MED17: variants seen among roughly 807,000 people sequenced by gnomAD.
MED17 encodes mediator of RNA polymerase II transcription subunit 17.
In MED17, 49 loss-of-function variants were observed where a neutral mutation model predicts 80.8. That is an observed-to-expected ratio of 0.61 (90% CI 0.48 to 0.77). The LOEUF (loss-of-function observed/expected upper bound fraction) is 0.77, where lower values mean the gene tolerates loss of function less well. Ranked by LOEUF, MED17 falls within the 30% of genes least tolerant of loss-of-function variation. The pLI is 0.00. For synonymous variants in MED17, 281 were observed against 280.4 expected, an observed-to-expected ratio of 1.00 and a Z score of -0.02; for missense variants, 718 against 787.0, an observed-to-expected ratio of 0.91 and a Z score of 1.05.
chr11:93,790,841 T>C (rs1943827719), intron 3 of MED17, 48 bp downstream of exon 3: 3 of 1,514,762 alleles, frequency 2.0e-6, no homozygotes, highest in Admixed American at 1.7e-5. Flanking sequence ...GTGTGGTGGC[T>C]CATGCGTGTA....
At chr11:93,800,813 T>C (rs1943955146) in intron 8 of MED17, 1 of 152,042 alleles carries the variant, frequency 6.6e-6, no homozygotes, top group East Asian at 1.9e-4. Flanking sequence ...ATTTTTTTTT[T>C]ATTTATAGAG....
intron 3 of MED17, chr11:93,793,273 G>A (rs1013251795): frequency 2.3e-5 from 4 of 176,914 alleles, no homozygotes; most frequent in East Asian, 1.6e-4. Flanking sequence ...GTGCCACCAC[G>A]CCCAGTTAAT....
In MED17 at chr11:93,792,032, T is replaced by C. The variant is rs114435167; in HGVS notation, c.637+1239T>C. 5.0e-3 allele frequency among the ~76,000 whole-genome samples: 755 copies of C among 152,026 alleles called. 8 individuals carry two copies. The highest frequency in any genetic ancestry group is 0.017 in the African/African-American group (705 of 41,474). ...TCGTTGAGCTATAATAAATAGTAGG[T>C]TTTACAAGGTAATAATGGCAATGTT... On this transcript the variant is annotated intron_variant, in intron 3 of 11. Transcript: ENST00000251871.
At chr11:93,796,646 C>A in intron 7 of MED17, 106 bp downstream of exon 7, 1 of 1,255,836 alleles carries the variant, frequency 8.0e-7, no homozygotes. Context: ...CACATAGCAA[C>A]AACATTCACT....
intron 5 of MED17, 164 bp downstream of exon 5, chr11:93,794,199 ATTTTTTTTTT>A (rs35300764): frequency 3.5e-6 from 1 of 284,588 alleles, no homozygotes. Flanking sequence ...TAGCTGTGCA[ATTTTTTTTTT>A]TTTTTTTTTT....
intron 11 of MED17, chr11:93,811,163 T>C (rs1157212326): frequency 6.6e-6 from 1 of 152,324 alleles, no homozygotes; most frequent in Non-Finnish European, 1.5e-5. Context: ...GCTTGGTCAT[T>C]GCTGGATCTT....
chr11:93,790,337 T>TG (rs1565288690), intron 2 of MED17: 2 of 579,126 alleles, frequency 3.5e-6, no homozygotes, highest in Admixed American at 4.6e-5. Context: ...ACAGAGTTGA[T>TG]GCAATGGTAA....
At chr11:93,804,643 C>T (rs1039702168) in intron 9 of MED17, among the ~76,000 whole-genome samples, 2 of 152,102 alleles carry the variant, frequency 1.3e-5, no homozygotes, top group Non-Finnish European at 2.9e-5. Flanking sequence ...TGTAACCCTA[C>T]CTGTCTTACA....
At chr11:93,799,512 T>TA (rs1943939681) in intron 8 of MED17, among the ~76,000 whole-genome samples, 2 of 152,104 alleles carry the variant, frequency 1.3e-5, no homozygotes, top group Non-Finnish European at 1.5e-5. Context: ...GGGCTTGGTG[T>TA]GGTGGCTCAT....
At chr11:93,797,222 T>C in intron 7 of MED17, 2 of 309,176 alleles carry the variant, frequency 6.5e-6, no homozygotes. Flanking sequence ...GATCCTTTTG[T>C]GGTTCAAAAG....
intron 8 of MED17, among the ~76,000 whole-genome samples, chr11:93,798,192 C>T (rs1411965241): frequency 6.6e-6 from 1 of 152,144 alleles, no homozygotes; most frequent in Non-Finnish European, 1.5e-5. Context: ...AGTTATGCAC[C>T]TTGCTCAAGG....
intron 11 of MED17, chr11:93,810,093 C>A (rs966454827): frequency 1.1e-4 from 57 of 538,996 alleles, no homozygotes; most frequent in African/African-American, 9.0e-4. Context: ...ATTGGCAGCA[C>A]ATTTTCCTGA....
chr11:93,807,846 A>G, intron 10 of MED17: 1 of 570,668 alleles, frequency 1.8e-6, no homozygotes, highest in Non-Finnish European at 3.1e-6. Flanking sequence ...GTTTTCACAT[A>G]GTTTATGTTA....
chr11:93,794,106 A>C, intron 5 of MED17, 71 bp downstream of exon 5: 1 of 1,133,938 alleles, frequency 8.8e-7, no homozygotes, highest in Non-Finnish European at 1.2e-6. Context: ...CTGAAGATAA[A>C]TATAGGTAGG....
intron 3 of MED17, among the ~76,000 whole-genome samples, chr11:93,792,849 G>A (rs1489995434): frequency 1.3e-5 from 2 of 152,122 alleles, no homozygotes; most frequent in East Asian, 3.8e-4. Context: ...GCTGAAGTGG[G>A]AGGATTGTTA....
rs1219670575 is a variant in MED17 at position 93,797,596 on chromosome 11, A to C, written c.1205A>C (p.His402Pro). ...MPHPASAPFG[H>P]KRMRLSGPQA... The stretch of plus-strand genomic sequence containing the variant: ...CATCCAGCAAGTGCACCTTTTGGCC[A>C]CAAGAGAATGAGACTTTCGGGTCCT... The change falls in exon 8 of 12, where the codon CAC becomes CCC. Residue 402 changes from histidine to proline, a missense_variant. Transcript: ENST00000251871. 6.2e-7 allele frequency: 1 copy of C among 1,614,166 alleles called. No homozygotes were observed. The highest frequency in any genetic ancestry group is 1.1e-5 in the South Asian group (1 of 91,084).
intron 9 of MED17, among the ~76,000 whole-genome samples, chr11:93,802,743 T>G (rs1050397416): frequency 1.3e-5 from 2 of 152,204 alleles, no homozygotes; most frequent in Admixed American, 6.5e-5. Flanking sequence ...ATCCTGGGTC[T>G]AATCAAGTTC....
chr11:93,803,299 A>G (rs1420957687), intron 9 of MED17, among the ~76,000 whole-genome samples: 1 of 152,198 alleles, frequency 6.6e-6, no homozygotes, highest in African/African-American at 2.4e-5. Context: ...CATTTCCAAT[A>G]TAATACTATT....
At chr11:93,806,624 C>G (rs1344183252) in intron 9 of MED17, 2 of 152,194 alleles carry the variant, frequency 1.3e-5, no homozygotes, top group Non-Finnish European at 2.9e-5. Flanking sequence ...AAAACCGCTT[C>G]TCTTTCTGTA....
Sources: gnomAD v4.1 joint callset for allele counts (sites outside exome capture counted in the v4.1 genomes callset) on GRCh38, gnomAD v4.1.1 for gene constraint, MANE v1.5 for transcripts, NCBI Gene and HGNC (gene_info 2026-07-23, HGNC 2026-07-21) for gene names.